SH3RF2: variants seen among roughly 807,000 people sequenced by gnomAD.
The protein encoded by SH3RF2 is E3 ubiquitin-protein ligase SH3RF2.
SH3RF2 carries 43 observed loss-of-function variants against 59.0 expected under a neutral mutation model. The ratio of observed to expected loss-of-function variants is 0.73; its 90% CI spans 0.57 to 0.94. The LOEUF (loss-of-function observed/expected upper bound fraction) is 0.94, where lower values mean the gene tolerates loss of function less well. Ranked by LOEUF, SH3RF2 falls within the 40% of genes least tolerant of loss-of-function variation. The pLI, the probability that SH3RF2 is intolerant of heterozygous loss-of-function variation, is 0.00. For synonymous variants in SH3RF2, 391 were observed against 391.5 expected, an observed-to-expected ratio of 1.00 and a Z score of 0.01; for missense variants, 930 against 940.1, an observed-to-expected ratio of 0.99 and a Z score of 0.14.
In SH3RF2 at chr5:146,045,354, T is replaced by C. The variant is rs141414922; in HGVS notation, c.1060-2418T>C. 1.5e-4 allele frequency among the ~76,000 whole-genome samples: 23 copies of C among 152,368 alleles called. No homozygotes were observed. The East Asian group carries it at 4.4e-3, about 29-fold the overall frequency. ...GAGATATCATTCACCTACCATACAA[T>C]TCACCCATTTAAGGTGTACAACTCA... On this transcript the variant is annotated intron_variant, in intron 5 of 9. Transcript: ENST00000359120.
chr5:145,942,527 T>G (rs1396752363), intron 2 of SH3RF2, among the ~76,000 whole-genome samples: 1 of 152,124 alleles, frequency 6.6e-6, no homozygotes, highest in Non-Finnish European at 1.5e-5. Flanking sequence ...AACCAGAAGG[T>G]GGACTAGCCC....
chr5:146,002,969 G>T (rs759173940), intron 3 of SH3RF2, among the ~76,000 whole-genome samples: 1 of 152,144 alleles, frequency 6.6e-6, no homozygotes, highest in Non-Finnish European at 1.5e-5. Flanking sequence ...CAAAAAGGTT[G>T]GGTACCGCTG....
In SH3RF2 at chr5:145,975,334, G is replaced by A. The variant is rs148674382; in HGVS notation, c.379-24724G>A. Among the ~76,000 whole-genome samples the A allele has an allele frequency of 2.6e-5, 4 of 152,314 alleles. No individual in the cohort carries two copies. In the East Asian group the frequency reaches 7.7e-4, roughly 29 times the overall value. On this transcript the variant is annotated intron_variant, in intron 2 of 9. Coordinates refer to ENST00000359120, the MANE Select transcript of SH3RF2 (RefSeq NM_152550.4). Reference sequence around the variant, plus strand: ...ATTTTCCATCATTTACTCTAAGAAGGCTGGCTGAACATGGCACATCCCTGA... The same window carrying A: ...ATTTTCCATCATTTACTCTAAGAAGACTGGCTGAACATGGCACATCCCTGA...
intron 3 of SH3RF2, among the ~76,000 whole-genome samples, chr5:146,001,569 A>T (rs908509049): frequency 6.6e-6 from 1 of 152,206 alleles, no homozygotes; most frequent in Non-Finnish European, 1.5e-5. Context: ...AATTCCACAA[A>T]TATTTATTAT....
chr5:145,993,106 C>T (rs1760016808), intron 2 of SH3RF2, among the ~76,000 whole-genome samples: 1 of 152,146 alleles, frequency 6.6e-6, no homozygotes, highest in Non-Finnish European at 1.5e-5. Context: ...CTACAGGCCC[C>T]ATGCAAGTCC....
At chr5:146,024,416 G>A (rs1207362304) in intron 5 of SH3RF2, among the ~76,000 whole-genome samples, 1 of 151,940 alleles carries the variant, frequency 6.6e-6, no homozygotes, top group East Asian at 1.9e-4. Flanking sequence ...TTATCATCGG[G>A]TTTCCTTATT....
chr5:145,951,143 C>T (rs1758178463), intron 2 of SH3RF2, among the ~76,000 whole-genome samples: 1 of 152,128 alleles, frequency 6.6e-6, no homozygotes, highest in African/African-American at 2.4e-5. Context: ...TTAATGCTTA[C>T]CATCTTCAAG....
chr5:146,075,778 TAAAAAAAAAA>T (rs56300547), intron 9 of SH3RF2, among the ~76,000 whole-genome samples: 23 of 76,974 alleles, frequency 3.0e-4, no homozygotes, highest in South Asian at 2.8e-3. Context: ...AAATTCCATG[TAAAAAAAAAA>T]AAAAAAAAAA....
At chr5:145,981,828 C>T (rs2149969730) in intron 2 of SH3RF2, among the ~76,000 whole-genome samples, 1 of 152,320 alleles carries the variant, frequency 6.6e-6, no homozygotes, top group Admixed American at 6.5e-5. Flanking sequence ...TATTGGACAG[C>T]ATAGAATAGC....
chr5:145,948,191 T>A (rs1758064401), intron 2 of SH3RF2, among the ~76,000 whole-genome samples: 1 of 151,902 alleles, frequency 6.6e-6, no homozygotes, highest in Admixed American at 6.6e-5. Flanking sequence ...ATACAAGAGG[T>A]TTGTGTTCTG....
intron 2 of SH3RF2, among the ~76,000 whole-genome samples, chr5:145,970,591 GC>G (rs1759041882): frequency 6.6e-6 from 1 of 152,084 alleles, no homozygotes; most frequent in African/African-American, 2.4e-5. Flanking sequence ...TGCATGTGAT[GC>G]CTTCTACCAT....
intron 2 of SH3RF2, among the ~76,000 whole-genome samples, chr5:145,994,126 T>C (rs879602652): frequency 7.9e-5 from 12 of 152,244 alleles, no homozygotes; most frequent in Non-Finnish European, 1.3e-4. Flanking sequence ...CCAGTCTCTT[T>C]GCTGAAACAT....
downstream of SH3RF2, among the ~76,000 whole-genome samples, chr5:146,065,668 C>T (rs1362748412): frequency 6.6e-6 from 1 of 152,196 alleles, no homozygotes; most frequent in Admixed American, 6.5e-5. Context: ...GTCTCTTCAC[C>T]CATGTGCAGC....
intron 2 of SH3RF2, among the ~76,000 whole-genome samples, chr5:145,959,740 C>A (rs1758559458): frequency 6.6e-6 from 1 of 151,592 alleles, no homozygotes; most frequent in African/African-American, 2.4e-5. Context: ...TCTAGGAGGG[C>A]TGAAGGACTG....
intron 5 of SH3RF2, among the ~76,000 whole-genome samples, chr5:146,046,238 A>AT (rs1762298567): frequency 6.6e-6 from 1 of 152,190 alleles, no homozygotes; most frequent in Non-Finnish European, 1.5e-5. Flanking sequence ...CAATCCATAG[A>AT]CCACATGTGT....
At chr5:145,950,881 G>A (rs1470774134) in intron 2 of SH3RF2, among the ~76,000 whole-genome samples, 1 of 152,220 alleles carries the variant, frequency 6.6e-6, no homozygotes, top group Non-Finnish European at 1.5e-5. Flanking sequence ...AGGAAACTCT[G>A]CTTCCAATCC....
intron 2 of SH3RF2, among the ~76,000 whole-genome samples, chr5:145,990,187 T>C (rs892126644): frequency 2.0e-5 from 3 of 152,206 alleles, no homozygotes; most frequent in Non-Finnish European, 2.9e-5. Flanking sequence ...TAGTTACCTA[T>C]CTAGCTTGCT....
intron 2 of SH3RF2, among the ~76,000 whole-genome samples, chr5:145,947,947 A>G (rs1422023169): frequency 6.6e-6 from 1 of 152,224 alleles, no homozygotes; most frequent in Non-Finnish European, 1.5e-5. Flanking sequence ...TTTTCAAGTT[A>G]TTTTAAGATT....
chr5:146,062,837 GC>G lies in SH3RF2; in HGVS notation c.*137del. The stretch of plus-strand genomic sequence containing the variant: ...TTCTTCCTATTTCACCTCCAGGAAA[GC>G]AAAAGTGGGAGCAGAAATTCCTGCC... On this transcript the variant is annotated 3_prime_UTR_variant, in exon 10 of 10. Coordinates refer to ENST00000359120, the MANE Select transcript of SH3RF2 (RefSeq NM_152550.4). The G allele has an allele frequency of 8.0e-7, 1 of 1,252,556 alleles. No individual in the cohort carries two copies. The highest frequency in any genetic ancestry group is 1.5e-5 in the African/African-American group (1 of 66,602). 77.6% of individuals were successfully genotyped at this position (1,252,556 alleles called of 1,614,324 possible).
Sources: gnomAD v4.1 joint callset for allele counts (sites outside exome capture counted in the v4.1 genomes callset) on GRCh38, gnomAD v4.1.1 for gene constraint, MANE v1.5 for transcripts, NCBI Gene and HGNC (gene_info 2026-07-23, HGNC 2026-07-21) for gene names.